DHRS12: variants seen among roughly 807,000 people sequenced by gnomAD.
DHRS12 encodes dehydrogenase/reductase SDR family member 12.
A neutral mutation model predicts 32.1 loss-of-function variants in DHRS12; 29 were observed. The ratio of observed to expected loss-of-function variants is 0.90; its 90% CI spans 0.67 to 1.23. The LOEUF is 1.23. Among genes scored for constraint, DHRS12 ranks in the 50% most tolerant of loss-of-function variants. The pLI is 0.00. For synonymous variants in DHRS12, 150 were observed against 135.9 expected, an observed-to-expected ratio of 1.10 and a Z score of -0.72; for missense variants, 330 against 337.2, an observed-to-expected ratio of 0.98 and a Z score of 0.17.
intron 4 of DHRS12, among the ~76,000 whole-genome samples, chr13:51,784,002 C>A (rs1315777700): frequency 6.6e-6 from 1 of 152,188 alleles, no homozygotes; most frequent in Non-Finnish European, 1.5e-5. Flanking sequence ...AAATATCTTA[C>A]AAGTCTTTTT....
chr13:51,767,110 T>G (rs1042101528), downstream of DHRS12: 2 of 152,254 alleles, frequency 1.3e-5, no homozygotes, highest in Non-Finnish European at 2.9e-5. Context: ...AGGGAAAGCC[T>G]CATTTAAAAC....
chr13:51,790,085 T>A lies in DHRS12; in HGVS notation c.227A>T (p.Asn76Ile), dbSNP rs149465195. Residue 76 changes from asparagine (N) to isoleucine (I), a missense_variant, in exon 4 of 9, where the codon AAT (asparagine) becomes ATT (isoleucine). Transcript: ENST00000444610. ...QEHKLHVLINNAGCMVNKREL... is the reference protein window; with the variant it reads ...QEHKLHVLINIAGCMVNKREL... ...TCTTTTATTGACCATGCAACCTGCA[T>A]TATTGATCTAAAATTTATAGTTCTC... is the stretch of plus-strand genomic sequence containing the variant. The A allele has an allele frequency of 5.7e-6, 9 of 1,583,672 alleles. No individual in the cohort carries two copies. Among genetic ancestry groups the A allele is most frequent in the Admixed American group, 3.9e-5 (2 of 51,254 alleles).
chr13:51,780,983 T>C (rs1359823173), intron 4 of DHRS12, among the ~76,000 whole-genome samples: 1 of 152,256 alleles, frequency 6.6e-6, no homozygotes, highest in African/African-American at 2.4e-5. Context: ...ATGGGTTATG[T>C]GCTTCCATCC....
intron 5 of DHRS12, chr13:51,774,583 CTACAG>C (rs1364412494): frequency 1.4e-4 from 1 of 7,186 alleles, no homozygotes; most frequent in Non-Finnish European, 3.3e-4. Flanking sequence ...ATGTATTCTC[CTACAG>C]TATTCTCCTA....
At chr13:51,781,794 C>T (rs548648465) in intron 4 of DHRS12, among the ~76,000 whole-genome samples, 29 of 152,276 alleles carry the variant, frequency 1.9e-4, no homozygotes, top group Admixed American at 5.2e-4. Context: ...GCCAGAGACA[C>T]GCACCTCATA....
chr13:51,765,835 T>C (rs1352461222), downstream of DHRS12: 1 of 152,198 alleles, frequency 6.6e-6, no homozygotes, highest in African/African-American at 2.4e-5. Context: ...CATGGTACCA[T>C]CTCATTAAAA....
chr13:51,773,410 C>G (rs754786717), intron 6 of DHRS12, among the ~76,000 whole-genome samples: 1 of 152,144 alleles, frequency 6.6e-6, no homozygotes, highest in African/African-American at 2.4e-5. Flanking sequence ...ACATCGTCAG[C>G]ACTCAAGATG....
chr13:51,795,663 C>A (rs924654529), intron 2 of DHRS12, among the ~76,000 whole-genome samples: 7 of 152,164 alleles, frequency 4.6e-5, no homozygotes, highest in Admixed American at 3.9e-4. Context: ...GCTCAAGGAA[C>A]AAAGGGAGAA....
At chr13:51,784,785 A>T (rs1398860191) in intron 4 of DHRS12, among the ~76,000 whole-genome samples, 1 of 152,198 alleles carries the variant, frequency 6.6e-6, no homozygotes, top group East Asian at 1.9e-4. Flanking sequence ...TCCATACCAA[A>T]CTCCCTTCAT....
the DHRS12 span, chr13:51,758,271 C>T: frequency 6.3e-7 from 1 of 1,599,350 alleles, no homozygotes. Context: ...AGGATGGTTA[C>T]TGACTTCTGG....
In DHRS12 at chr13:51,768,018, C is replaced by T. The variant is rs959284410; in HGVS notation, c.*169G>A. On this transcript the variant is annotated 3_prime_UTR_variant, in exon 9 of 9. Coordinates refer to ENST00000444610, the MANE Select transcript of DHRS12 (RefSeq NM_001377533.1). ...TTCAAGGTGAGCCTGATCACAGCCT[C>T]GGTAGTATTTATTTTGAAATAAAAG... 7.0e-7 allele frequency: 1 copy of T among 1,425,722 alleles called. No homozygotes were observed. The highest frequency in any genetic ancestry group is 9.1e-7 in the Non-Finnish European group (1 of 1,094,366). 88.3% of individuals were successfully genotyped at this position (1,425,722 alleles called of 1,614,324 possible). A position where few individuals can be genotyped will look rare whatever the true frequency, so the allele number is the denominator to read the frequency against.
In DHRS12 at chr13:51,768,090, G is replaced by A; in HGVS notation, c.*97C>T. Reference sequence around the variant, plus strand: ...GCTGTGAGGCACAACGTCTTCGAGGGGAAGTTGAAGTGGGGTCTTCTTATT... The same window carrying A: ...GCTGTGAGGCACAACGTCTTCGAGGAGAAGTTGAAGTGGGGTCTTCTTATT... On this transcript the variant is annotated 3_prime_UTR_variant, in exon 9 of 9. Transcript: ENST00000444610. The A allele has an allele frequency of 6.7e-7, 1 of 1,497,494 alleles. No individual in the cohort carries two copies. The highest frequency in any genetic ancestry group is 8.9e-7 in the Non-Finnish European group (1 of 1,128,378). 92.8% of individuals were successfully genotyped at this position (1,497,494 alleles called of 1,614,324 possible).
chr13:51,790,124 G>T, intron 3 of DHRS12, 32 bp from the exon 4 acceptor site: 1 of 1,537,688 alleles, frequency 6.5e-7, no homozygotes, highest in Non-Finnish European at 8.7e-7. Context: ...TCAAAATAAA[G>T]AAAAATAGGG....
At position 51,803,162 on chromosome 13, in the gene DHRS12, G is replaced by A. The variant is rs1000283341; in HGVS notation, c.-9+892C>T. On this transcript the variant is annotated intron_variant, in intron 1 of 8. Transcript: ENST00000444610. ...CCAAAACGATGTGGGGTGAAGAGCA[G>A]GGAGTTGCAACTCCTACCTCCCCTA... 3.3e-5 allele frequency among the ~76,000 whole-genome samples: 5 copies of A among 152,170 alleles called. No individual in the cohort carries two copies. The East Asian group carries it at 5.8e-4, about 18-fold the overall frequency.
chr13:51,770,553 C>T (rs755334314), intron 7 of DHRS12, among the ~76,000 whole-genome samples: 20 of 152,204 alleles, frequency 1.3e-4, no homozygotes, highest in Non-Finnish European at 2.5e-4. Flanking sequence ...TGAGAAGAAT[C>T]GAGAAGCCAT....
chr13:51,799,738 CTAATTCTAGGATGGGCA>C, intron 1 of DHRS12, 71 bp from the exon 2 acceptor site: 1 of 1,562,254 alleles, frequency 6.4e-7, no homozygotes, highest in Non-Finnish European at 8.7e-7. Flanking sequence ...AGGAGAAAGC[CTAATTCTAGGATGGGCA>C]TTATTGCTGT....
In DHRS12 at chr13:51,771,193, G is replaced by A. The variant is rs1240994933; in HGVS notation, c.559+628C>T. 3.6e-5 allele frequency: 56 copies of A among 1,549,414 alleles called. 1 individual carries two copies. The highest frequency in any genetic ancestry group is 4.5e-5 in the Non-Finnish European group (51 of 1,145,648). ...CAGACAGCGCTGAGACCAGTTCTTG[G>A]CGCCGCGGGTGCACCCTGGGGTGTG... On this transcript the variant is annotated intron_variant, in intron 7 of 8. Coordinates refer to ENST00000444610, the MANE Select transcript of DHRS12 (RefSeq NM_001377533.1).
rs538306046 is a variant in DHRS12, at chr13:51,803,594, C to T, written c.-9+460G>A. The T allele has an allele frequency of 3.9e-5, 6 of 152,926 alleles. No homozygotes were observed. The South Asian group carries it at 1.2e-3, about 31-fold the overall frequency. 9.5% of individuals were successfully genotyped at this position (152,926 alleles called of 1,614,324 possible). ...GAAAGTTCCAGCTGGAGCCAAAGGT[C>T]GCAGTCCAGGTGCTGCATCTTTTTA... On this transcript the variant is annotated intron_variant, in intron 1 of 8. Coordinates refer to ENST00000444610, the MANE Select transcript of DHRS12 (RefSeq NM_001377533.1).
intron 7 of DHRS12, chr13:51,771,132 A>G: frequency 6.6e-7 from 1 of 1,505,692 alleles, no homozygotes; most frequent in Non-Finnish European, 8.9e-7. Flanking sequence ...AGTAGTGGCC[A>G]CTCCACAGAG....
Sources: gnomAD v4.1 joint callset for allele counts (sites outside exome capture counted in the v4.1 genomes callset) on GRCh38, gnomAD v4.1.1 for gene constraint, MANE v1.5 for transcripts, NCBI Gene and HGNC (gene_info 2026-07-23, HGNC 2026-07-21) for gene names.